Variants in FIG4 observed in about 807,000 individuals in gnomAD.
The protein encoded by FIG4 is FIG4 phosphoinositide 5-phosphatase, also known as polyphosphoinositide phosphatase.
Under a neutral mutation model 118.6 loss-of-function variants are expected in FIG4, and 112 were observed. The observed-to-expected ratio is 0.94, with a 90% confidence interval of 0.81 to 1.11. The LOEUF is 1.11. FIG4 is among the 50% of genes least tolerant of loss of function. The pLI is 0.00. For missense variants in FIG4, 969 were observed against 1,111.7 expected, an observed-to-expected ratio of 0.87 and a Z score of 1.83; for synonymous variants, 369 against 381.2, an observed-to-expected ratio of 0.97 and a Z score of 0.37.
chr6:109,719,692 C>G (rs1247521165), intron 3 of FIG4, among the ~76,000 whole-genome samples: 47 of 152,142 alleles, frequency 3.1e-4, no homozygotes. Flanking sequence ...CCGTGCTCAG[C>G]CTGAACTGTG....
chr6:109,767,646 G>A (rs1235264291), intron 15 of FIG4, among the ~76,000 whole-genome samples: 1 of 152,126 alleles, frequency 6.6e-6, no homozygotes, highest in Non-Finnish European at 1.5e-5. Flanking sequence ...CGAGGTGGGC[G>A]GATCACGAGG....
rs745554323 is a variant in FIG4, at chr6:109,735,244, C to T, written c.592C>T (p.Gln198Ter). 1.1e-5 allele frequency: 17 copies of T among 1,613,430 alleles called. No homozygotes were observed. The highest frequency in any genetic ancestry group is 5.0e-5 in the Admixed American group (3 of 59,954). The change falls in exon 6 of 23, where the codon CAA becomes TAA. Residue 198 changes from glutamine (Q) to a stop codon, truncating the protein, a stop_gained. Coordinates refer to ENST00000230124, the MANE Select transcript of FIG4 (RefSeq NM_014845.6). LOFTEE classifies it high-confidence loss of function. ...AAAGTCAGAAATGACCCAGAATCGCCAAGAGAGCTTTGACATCTTTGAAGA... is the reference window on the plus strand; with the variant it reads ...AAAGTCAGAAATGACCCAGAATCGCTAAGAGAGCTTTGACATCTTTGAAGA... ...MLKSEMTQNR[Q>*]ESFDIFEDEG... is the part of the protein sequence containing the mutation.
intron 10 of FIG4, among the ~76,000 whole-genome samples, chr6:109,749,404 C>T (rs771473288): frequency 6.6e-6 from 1 of 151,830 alleles, no homozygotes; most frequent in Non-Finnish European, 1.5e-5. Context: ...TACATAATTG[C>T]AAATTTAAAA....
intron 16 of FIG4, among the ~76,000 whole-genome samples, chr6:109,781,384 C>T (rs371186126): frequency 6.6e-5 from 10 of 152,266 alleles, no homozygotes; most frequent in Non-Finnish European, 2.9e-5. Context: ...CTCCAGCATT[C>T]GGAACAACAC....
At chr6:109,721,508 TTTGC>T (rs1775609659) in intron 3 of FIG4, among the ~76,000 whole-genome samples, 1 of 152,224 alleles carries the variant, frequency 6.6e-6, no homozygotes, top group African/African-American at 2.4e-5. Context: ...TTTAATATAC[TTTGC>T]TTGGCTTCCC....
At chr6:109,711,802 A>G (rs915466061) in intron 1 of FIG4, among the ~76,000 whole-genome samples, 1 of 152,114 alleles carries the variant, frequency 6.6e-6, no homozygotes, top group East Asian at 1.9e-4. Context: ...ACCTATCATC[A>G]GGATGTTAGC....
At chr6:109,735,097 A>T in intron 5 of FIG4, 53 bp from the exon 6 acceptor site, 1 of 1,520,780 alleles carries the variant, frequency 6.6e-7, no homozygotes, top group Non-Finnish European at 9.1e-7. Context: ...CGCCAAGACC[A>T]TGAAATATGC....
chr6:109,748,368 A>G (rs1776571938), intron 10 of FIG4, among the ~76,000 whole-genome samples: 1 of 152,160 alleles, frequency 6.6e-6, no homozygotes, highest in Middle Eastern at 3.2e-3. Flanking sequence ...TGGTCCATGA[A>G]ATCTCAGCCA....
At chr6:109,722,379 T>C (rs756907146) in intron 3 of FIG4, among the ~76,000 whole-genome samples, 1 of 152,158 alleles carries the variant, frequency 6.6e-6, no homozygotes, top group Non-Finnish European at 1.5e-5. Context: ...TCATTCATGT[T>C]AATGTATTCA....
intron 22 of FIG4, among the ~76,000 whole-genome samples, chr6:109,817,309 G>A (rs777727261): frequency 1.3e-5 from 2 of 152,148 alleles, no homozygotes; most frequent in African/African-American, 2.4e-5. Context: ...CAATGCAGCC[G>A]AATATTGGTG....
intron 10 of FIG4, among the ~76,000 whole-genome samples, chr6:109,759,402 A>G (rs1237600819): frequency 1.3e-5 from 2 of 152,102 alleles, no homozygotes; most frequent in Non-Finnish European, 2.9e-5. Context: ...TGTATCCCAT[A>G]ACTTAAAGTA....
At chr6:109,722,253 C>G (rs536452143) in intron 3 of FIG4, among the ~76,000 whole-genome samples, 1 of 151,378 alleles carries the variant, frequency 6.6e-6, no homozygotes, top group Admixed American at 6.6e-5. Flanking sequence ...TTAAAAAACA[C>G]TTTGTGTTTT....
At chr6:109,746,545 G>A (rs576504234) in intron 10 of FIG4, among the ~76,000 whole-genome samples, 1 of 152,178 alleles carries the variant, frequency 6.6e-6, no homozygotes, top group African/African-American at 2.4e-5. Flanking sequence ...AGAAAAGGGG[G>A]TTCCCTGTGG....
At chr6:109,795,558 AAAGGAAAT>A (rs138977850) in intron 21 of FIG4, among the ~76,000 whole-genome samples, 12,639 of 148,332 alleles carry the variant, frequency 0.085, 1,263 homozygotes, top group African/African-American at 0.23. Context: ...AAAAAAATGG[AAAGGAAAT>A]AAGGAAATCT....
At position 109,813,688 on chromosome 6, in the gene FIG4, G is replaced by A. The variant is rs372753494; in HGVS notation, c.2547-11400G>A. 6.9e-4 allele frequency among the ~76,000 whole-genome samples: 105 copies of A among 152,274 alleles called. 3 individuals carry two copies. The South Asian group carries it at 0.022, about 31-fold the overall frequency. On this transcript the variant is annotated intron_variant, in intron 22 of 22. Transcript: ENST00000230124. ...ATCCTCTTGTAATCTCCTCCCACAT[G>A]GTACCGGGATTGGTCTTTGTGACCA...
intron 16 of FIG4, among the ~76,000 whole-genome samples, chr6:109,779,723 C>A (rs1030755181): frequency 6.6e-6 from 1 of 152,102 alleles, no homozygotes; most frequent in Non-Finnish European, 1.5e-5. Context: ...TAGTGTCACC[C>A]ACCTGTACAG....
At chr6:109,714,406 C>T (rs1347793731) in intron 1 of FIG4, among the ~76,000 whole-genome samples, 3 of 152,144 alleles carry the variant, frequency 2.0e-5, no homozygotes, top group Admixed American at 2.0e-4. Flanking sequence ...GCAGCTGTTC[C>T]GCCTGGCTGC....
At chr6:109,788,547 C>T (rs1223074450) in intron 18 of FIG4, among the ~76,000 whole-genome samples, 1 of 152,236 alleles carries the variant, frequency 6.6e-6, no homozygotes, top group Non-Finnish European at 1.5e-5. Context: ...GTTTTCACCA[C>T]TCTGTACATG....
rs1197509162 is a variant in FIG4, at chr6:109,752,468, G to A, written c.1138-7782G>A. 1.3e-4 allele frequency among the ~76,000 whole-genome samples: 20 copies of A among 151,926 alleles called. No individual in the cohort carries two copies. In the East Asian group the frequency reaches 3.7e-3, roughly 28 times the overall value. On this transcript the variant is annotated intron_variant, in intron 10 of 22. Coordinates refer to ENST00000230124, the MANE Select transcript of FIG4 (RefSeq NM_014845.6). ...ACAGTCCCACCAACAGTGTAAAAGT[G>A]TTCCTATTTCTCCACATCCTCTCCA...
Sources: allele counts gnomAD v4.1 joint callset (sites outside exome capture counted in the v4.1 genomes callset), GRCh38; gene constraint gnomAD v4.1.1; transcripts MANE v1.5; gene names NCBI Gene and HGNC (gene_info 2026-07-23, HGNC 2026-07-21).